Variants in GALC observed in about 807,000 individuals in gnomAD.
GALC encodes the protein galactosylceramidase.
A neutral mutation model predicts 91.8 loss-of-function variants in GALC; 77 were observed. The observed-to-expected ratio is 0.84, with a 90% CI of 0.70 to 1.01. The LOEUF (loss-of-function observed/expected upper bound fraction) is 1.01, where lower values mean the gene tolerates loss of function less well. GALC is among the 50% of genes least tolerant of loss of function. The pLI, the probability that GALC is intolerant of heterozygous loss-of-function variation, is 0.00. For missense variants in GALC, 882 were observed against 855.9 expected (o/e 1.03, Z -0.38); for synonymous variants, 357 against 306.7 (o/e 1.16, Z -1.71).
At chr14:87,963,584 G>A in intron 9 of GALC, 73 bp from the exon 10 acceptor site, 5 of 1,241,208 alleles carry the variant, frequency 4.0e-6, no homozygotes, top group South Asian at 1.3e-5. Context: ...AAAAAAAAAA[G>A]CTGTATATCA....
chr14:87,973,211 C>A (rs999098422), intron 7 of GALC, among the ~76,000 whole-genome samples: 1 of 152,122 alleles, frequency 6.6e-6, no homozygotes, highest in African/African-American at 2.4e-5. Flanking sequence ...CAACAAACAT[C>A]TGAACACATC....
intron 16 of GALC, among the ~76,000 whole-genome samples, chr14:87,935,196 G>A (rs573881537): frequency 6.6e-6 from 1 of 151,996 alleles, no homozygotes; most frequent in Admixed American, 6.6e-5. Flanking sequence ...TTAGAAAAAA[G>A]CTCATTAAAA....
In GALC at chr14:87,934,387, C is replaced by T. The variant is rs1485613918; in HGVS notation, c.*345G>A. On this transcript the variant is annotated 3_prime_UTR_variant, in exon 17 of 17. Coordinates refer to ENST00000261304, the MANE Select transcript of GALC (RefSeq NM_000153.4). The stretch of plus-strand genomic sequence containing the variant: ...GTGATGATCAAGTTACTGCCATCTA[C>T]AGGACCGCTTGCAAATAAGATGAAG... 1 of 1,269,210 alleles carries T rather than the reference C, an allele frequency of 7.9e-7. No individual in the cohort carries two copies. Among genetic ancestry groups the T allele is most frequent in the African/African-American group, 1.5e-5 (1 of 65,910 alleles). The allele number at this position is 1,269,210 out of a possible 1,614,324, so 78.6% of individuals were successfully genotyped here. A position where few individuals can be genotyped will look rare whatever the true frequency, so the allele number is the denominator to read the frequency against.
intron 1 of GALC, among the ~76,000 whole-genome samples, chr14:87,989,883 A>G (rs1365150456): frequency 1.3e-5 from 2 of 152,294 alleles, no homozygotes; most frequent in Admixed American, 1.3e-4. Context: ...AAATCCCTTA[A>G]TTATTTGGCT....
intron 10 of GALC, chr14:87,953,947 T>C: frequency 6.2e-7 from 1 of 1,609,930 alleles, no homozygotes. Context: ...AAGAAGGTTT[T>C]TCTGTAGAGG....
intron 15 of GALC, among the ~76,000 whole-genome samples, chr14:87,940,795 T>G (rs1376261037): frequency 6.6e-6 from 1 of 151,888 alleles, no homozygotes; most frequent in Non-Finnish European, 1.5e-5. Context: ...TCACTACCAG[T>G]AAGGTCTAGC....
At chr14:87,960,090 T>C (rs1885734524) in intron 10 of GALC, among the ~76,000 whole-genome samples, 1 of 151,964 alleles carries the variant, frequency 6.6e-6, no homozygotes, top group African/African-American at 2.4e-5. Flanking sequence ...AGAGTTGATA[T>C]CACAGATGCA....
chr14:87,933,734 T>C lies in GALC; in HGVS notation c.*998A>G, dbSNP rs536915624. On this transcript the variant is annotated 3_prime_UTR_variant, in exon 17 of 17. Coordinates refer to ENST00000261304, the MANE Select transcript of GALC (RefSeq NM_000153.4). ...AATGCTTAGTATAAATCATACAACATGATGAACACGCTCACGTATATTTAA... is the reference window on the plus strand; with the variant it reads ...AATGCTTAGTATAAATCATACAACACGATGAACACGCTCACGTATATTTAA... 3.6e-4 allele frequency: 166 copies of C among 460,786 alleles called. 1 individual carries two copies. The highest frequency in any genetic ancestry group is 6.2e-4 in the South Asian group (13 of 20,966). 28.5% of individuals were successfully genotyped at this position (460,786 alleles called of 1,614,324 possible).
At chr14:87,941,254 A>G (rs951496187) in intron 15 of GALC, 141 bp downstream of exon 15, 4 of 653,548 alleles carry the variant, frequency 6.1e-6, no homozygotes, top group South Asian at 1.8e-5. Flanking sequence ...ACTATTTGGT[A>G]TTTGCTTACA....
intron 6 of GALC, 50 bp from the exon 7 acceptor site, chr14:87,976,538 G>A (rs763077248): frequency 6.7e-7 from 1 of 1,483,318 alleles, no homozygotes; most frequent in South Asian, 1.1e-5. Flanking sequence ...TGAATTTTTA[G>A]CTGTTGAATT....
rs140683462 is a variant in GALC, at chr14:87,967,215, A to C, written c.908+1120T>G. Reference sequence around the variant, plus strand: ...AAGCAGTTTTTTAAACAGATTCTATAGTATGGTCTCAATTTTGTATTTAAA... The same window carrying C: ...AAGCAGTTTTTTAAACAGATTCTATCGTATGGTCTCAATTTTGTATTTAAA... On this transcript the variant is annotated intron_variant, in intron 8 of 16. Transcript: ENST00000261304. Among the ~76,000 whole-genome samples the C allele has an allele frequency of 7.1e-3, 1,083 of 152,362 alleles. 16 individuals carry two copies. Among genetic ancestry groups the C allele is most frequent in the East Asian group, 0.044 (229 of 5,194 alleles).
intron 10 of GALC, among the ~76,000 whole-genome samples, chr14:87,951,011 T>C (rs1180882329): frequency 6.6e-6 from 1 of 151,932 alleles, no homozygotes; most frequent in African/African-American, 2.4e-5. Flanking sequence ...GAGACATATA[T>C]GGCATACAGA....
chr14:87,961,198 G>T (rs1283024941), intron 10 of GALC, among the ~76,000 whole-genome samples: 1 of 152,138 alleles, frequency 6.6e-6, no homozygotes, highest in African/African-American at 2.4e-5. Flanking sequence ...TAGCCAATAA[G>T]CACATGAAAA....
intron 7 of GALC, among the ~76,000 whole-genome samples, chr14:87,969,689 T>C (rs1157201865): frequency 6.6e-6 from 1 of 152,186 alleles, no homozygotes; most frequent in Non-Finnish European, 1.5e-5. Flanking sequence ...ATTTATAACA[T>C]CAAAAGAATG....
At chr14:87,965,662 C>G (rs1385983315) in intron 8 of GALC, 33 bp from the exon 9 acceptor site, 1 of 1,610,836 alleles carries the variant, frequency 6.2e-7, no homozygotes, top group Non-Finnish European at 8.5e-7. Flanking sequence ...AACACCAAGA[C>G]AACTTGTGAT....
Position 87,945,723 on chromosome 14 carries a change from A to C in GALC, c.1500T>G (p.Phe500Leu), listed in dbSNP as rs1338708723. The C allele has an allele frequency of 3.7e-6, 6 of 1,609,958 alleles. No homozygotes were observed. The highest frequency in any genetic ancestry group is 5.1e-6 in the Non-Finnish European group (6 of 1,177,332). ...YKDDFNVDYP[F>L]FSEAPNFADQ... ...CAGCAAAGTTTGGAGCTTCACTAAAAAATGGGTAATCTGTTCAGAATGTAA... is the reference window on the plus strand; with the variant it reads ...CAGCAAAGTTTGGAGCTTCACTAAACAATGGGTAATCTGTTCAGAATGTAA... The change falls in exon 14 of 17, where the codon TTT becomes TTG. Residue 500 changes from phenylalanine (F) to leucine (L), a missense_variant. Coordinates refer to ENST00000261304, the MANE Select transcript of GALC (RefSeq NM_000153.4).
Position 87,986,514 on chromosome 14 carries a change from C to T in GALC, c.417G>A (p.Lys139=). The change falls in exon 4 of 17, where the codon AAG becomes AAA. Residue 139 remains lysine (K), a synonymous_variant. Coordinates refer to ENST00000261304, the MANE Select transcript of GALC (RefSeq NM_000153.4). The stretch of plus-strand genomic sequence containing the variant: ...CAATGAGTGTAATATTGGGATTCCT[C>T]TTCTTAGCTTCTTTCATCAACCACC... The part of the protein sequence containing the change: ...YEWWLMKEAK[K]RNPNITLIGL... 2 of 1,609,150 alleles carry T rather than the reference C, an allele frequency of 1.2e-6. No individual in the cohort carries two copies. Among genetic ancestry groups the T allele is most frequent in the South Asian group, 2.2e-5 (2 of 90,966 alleles).
In GALC at chr14:87,993,081, C is replaced by T. The variant is rs1246098637; in HGVS notation, c.84G>A (p.Ala28=). The T allele has an allele frequency of 1.3e-6, 2 of 1,579,618 alleles. No homozygotes were observed. The highest frequency in any genetic ancestry group is 1.7e-6 in the Non-Finnish European group (2 of 1,163,808). ...GCAGCGCACACAGCAGCAAGGGCAC[C>T]GCGGCGCGGCCCGCCGAACCCGCGG... ...TAAAGSAGRA[A]VPLLLCALLA... Residue 28 remains alanine (A), a synonymous_variant, in exon 1 of 17, where the codon GCG becomes GCA. Transcript: ENST00000261304.
chr14:87,950,191 G>C (rs185138472), intron 11 of GALC, among the ~76,000 whole-genome samples: 1 of 151,916 alleles, frequency 6.6e-6, no homozygotes, highest in Non-Finnish European at 1.5e-5. Flanking sequence ...ATTCATTACT[G>C]TACCTGTGTA....
Sources: gnomAD v4.1 joint callset for allele counts (sites outside exome capture counted in the v4.1 genomes callset) on GRCh38, gnomAD v4.1.1 for gene constraint, MANE v1.5 for transcripts, NCBI Gene and HGNC (gene_info 2026-07-23, HGNC 2026-07-21) for gene names.